Variants in PDXDC1 observed in about 807,000 individuals in gnomAD.
PDXDC1 encodes pyridoxal-dependent decarboxylase domain-containing protein 1.
A neutral mutation model predicts 100.1 loss-of-function variants in PDXDC1; 42 were observed. The ratio of observed to expected loss-of-function variants is 0.42; its 90% CI spans 0.33 to 0.54. The LOEUF is 0.54. Ranked by LOEUF, PDXDC1 falls within the 20% of genes least tolerant of loss-of-function variation. The pLI is 0.10. For missense variants in PDXDC1, 636 were observed against 979.2 expected (o/e 0.65, Z 4.68); for synonymous variants, 260 against 371.7 (o/e 0.70, Z 3.46).
chr16:15,135,602 G>C, intron 16 of PDXDC1: 2 of 1,433,952 alleles, frequency 1.4e-6, no homozygotes, highest in Non-Finnish European at 1.9e-6. Flanking sequence ...GGGCTCATGG[G>C]TGTGGACGGG....
At chr16:15,070,116 G>C in intron 16 of PDXDC1, 1 of 1,600,602 alleles carries the variant, frequency 6.2e-7, no homozygotes, top group Non-Finnish European at 8.5e-7. Context: ...TAAAAACAAA[G>C]GTGTAGAACA....
At chr16:15,071,965 C>A (rs557503936) in intron 16 of PDXDC1, among the ~76,000 whole-genome samples, 1 of 152,122 alleles carries the variant, frequency 6.6e-6, no homozygotes, top group Non-Finnish European at 1.5e-5. Context: ...AAGCACCTTC[C>A]GGTCTCTGGA....
At position 15,136,830 on chromosome 16, in the gene PDXDC1, G is replaced by A. The variant is rs2048360196; in HGVS notation, c.1400-2049G>A. On this transcript the variant is annotated intron_variant, in intron 16 of 16. Coordinates refer to the PDXDC1 transcript ENST00000535621. ...GTACCAGGCTCTGCCCCATCTGGAT[G>A]GCCCTGGGGAGGAAGGGGAGTGGGC... is the stretch of plus-strand genomic sequence containing the variant. The A allele has an allele frequency of 1.3e-5, 13 of 1,002,002 alleles. No individual in the cohort carries two copies. In the South Asian group the frequency reaches 1.6e-4, roughly 12 times the overall value. 62.1% of individuals were successfully genotyped at this position (1,002,002 alleles called of 1,614,324 possible).
intron 16 of PDXDC1, chr16:15,104,662 G>A (rs781306095): frequency 1.9e-6 from 3 of 1,597,768 alleles, no homozygotes; most frequent in South Asian, 1.1e-5. Flanking sequence ...GGAGGAGGTG[G>A]CTGGTGGCCC....
intron 16 of PDXDC1, among the ~76,000 whole-genome samples, chr16:15,128,902 T>C (rs978916348): frequency 2.7e-5 from 4 of 147,736 alleles, no homozygotes; most frequent in Admixed American, 1.4e-4. Flanking sequence ...GCCTCCCGGG[T>C]TCACGCCATT....
intron 16 of PDXDC1, among the ~76,000 whole-genome samples, chr16:15,095,362 C>T (rs1383576582): frequency 6.6e-6 from 1 of 151,474 alleles, no homozygotes; most frequent in African/African-American, 2.4e-5. Context: ...CTGGGTGACA[C>T]GGTGAAACTC....
At chr16:15,133,809 T>C in intron 16 of PDXDC1, 4 of 1,586,388 alleles carry the variant, frequency 2.5e-6, no homozygotes, top group Non-Finnish European at 3.4e-6. Flanking sequence ...GCATTCGAAG[T>C]GCACCTTGGT....
At chr16:15,070,708 T>C (rs1004651834) in intron 16 of PDXDC1, among the ~76,000 whole-genome samples, 51 of 152,064 alleles carry the variant, frequency 3.4e-4, no homozygotes, top group African/African-American at 1.2e-3. Context: ...TCCAAAGGTA[T>C]CTTTATGGGC....
At chr16:15,060,095 C>A (rs1470679551) in intron 16 of PDXDC1, 1 of 327,486 alleles carries the variant, frequency 3.1e-6, no homozygotes, top group Non-Finnish European at 6.1e-6. Context: ...GTCATTGTTT[C>A]ATTTTCACCA....
downstream of PDXDC1, among the ~76,000 whole-genome samples, chr16:15,040,710 C>A (rs1444872941): frequency 6.6e-6 from 1 of 152,112 alleles, no homozygotes; most frequent in Admixed American, 6.6e-5. Flanking sequence ...TGCCTGCCTT[C>A]CTCCCCCAGA....
At chr16:15,135,739 C>T in intron 16 of PDXDC1, 2 of 1,596,468 alleles carry the variant, frequency 1.3e-6, no homozygotes, top group Middle Eastern at 2.3e-4. Context: ...TCCCATCCAG[C>T]ACCAGGTCCT....
At chr16:15,079,986 C>G (rs767678833) in intron 16 of PDXDC1, 1 of 1,580,478 alleles carries the variant, frequency 6.3e-7, no homozygotes, top group Non-Finnish European at 8.6e-7. Context: ...AAATAGATTA[C>G]TCAATACTTA....
At chr16:15,053,521 A>G (rs936305741) in intron 16 of PDXDC1, among the ~76,000 whole-genome samples, 1 of 152,206 alleles carries the variant, frequency 6.6e-6, no homozygotes, top group Non-Finnish European at 1.5e-5. Flanking sequence ...CTTCATTAGG[A>G]CTTTCACCAA....
intron 16 of PDXDC1, among the ~76,000 whole-genome samples, chr16:15,096,666 A>G (rs1209186853): frequency 2.0e-5 from 3 of 152,270 alleles, no homozygotes; most frequent in African/African-American, 7.2e-5. Flanking sequence ...CAAAACAGCA[A>G]TCTGACAATT....
intron 16 of PDXDC1, among the ~76,000 whole-genome samples, chr16:15,106,508 C>T (rs538224301): frequency 4.0e-5 from 6 of 150,212 alleles, no homozygotes; most frequent in African/African-American, 1.4e-4. Context: ...GTAATCCCAG[C>T]ACTCTGGGAG....
At chr16:15,132,432 GGGGGA>G (rs1413760856) in intron 16 of PDXDC1, among the ~76,000 whole-genome samples, 1 of 129,972 alleles carries the variant, frequency 7.7e-6, no homozygotes, top group Non-Finnish European at 1.7e-5. Context: ...GGGGAGGGAA[GGGGGA>G]GGGGAGGGGA....
chr16:15,148,344 G>C, the PDXDC1 span, among the ~76,000 whole-genome samples: 1 of 140,372 alleles, frequency 7.1e-6, no homozygotes, highest in Non-Finnish European at 1.5e-5. Context: ...CATCTTCTTT[G>C]GAGAAATCTC....
intron 11 of PDXDC1, 79 bp downstream of exon 11, chr16:15,017,501 A>G: frequency 9.7e-7 from 1 of 1,031,186 alleles, no homozygotes; most frequent in Non-Finnish European, 1.5e-6. Flanking sequence ...CCAGAAAAAT[A>G]CAGGAAAAAG....
rs1567298131 is a variant in PDXDC1, at chr16:15,127,694, C to A, written c.1400-11185C>A. 4 of 1,444,018 alleles carry A rather than the reference C, an allele frequency of 2.8e-6. No homozygotes were observed. In the African/African-American group the frequency reaches 5.8e-5, roughly 21 times the overall value. 89.5% of individuals were successfully genotyped at this position (1,444,018 alleles called of 1,614,324 possible). ...GACCCCTACGGCACCCACCTGTAGGCAGAGTCACCAACAGCCCCGTACCAC... is the reference window on the plus strand; with the variant it reads ...GACCCCTACGGCACCCACCTGTAGGAAGAGTCACCAACAGCCCCGTACCAC... On this transcript the variant is annotated intron_variant, in intron 16 of 16. Coordinates refer to the PDXDC1 transcript ENST00000535621.
Sources: allele counts gnomAD v4.1 joint callset (sites outside exome capture counted in the v4.1 genomes callset), GRCh38; gene constraint gnomAD v4.1.1; transcripts MANE v1.5; gene names NCBI Gene and HGNC (gene_info 2026-07-23, HGNC 2026-07-21).